AGBL4: variants seen among roughly 807,000 people sequenced by gnomAD.
The protein encoded by AGBL4 is cytosolic carboxypeptidase 6.
Under a neutral mutation model 66.4 loss-of-function variants are expected in AGBL4, and 58 were observed. The ratio of observed to expected loss-of-function variants is 0.87; its 90% CI spans 0.71 to 1.09. The LOEUF is 1.09. AGBL4 is among the 50% of genes least tolerant of loss of function. The pLI, the probability that AGBL4 is intolerant of heterozygous loss-of-function variation, is 0.00. For synonymous variants in AGBL4, 234 were observed against 222.9 expected, an observed-to-expected ratio of 1.05 and a Z score of -0.44; for missense variants, 579 against 631.0, an observed-to-expected ratio of 0.92 and a Z score of 0.88.
intron 6 of AGBL4, among the ~76,000 whole-genome samples, chr1:48,706,933 G>C (rs1646890187): frequency 6.6e-6 from 1 of 152,224 alleles, no homozygotes. Flanking sequence ...GGTCGTTCTT[G>C]AGTGAAGCAC....
At chr1:49,280,734 T>A (rs1201251502) in intron 3 of AGBL4, among the ~76,000 whole-genome samples, 1 of 152,240 alleles carries the variant, frequency 6.6e-6, no homozygotes, top group Non-Finnish European at 1.5e-5. Flanking sequence ...AATTTCTTTA[T>A]TTTTAAAAAA....
At chr1:49,404,755 G>A (rs1287082683) in intron 3 of AGBL4, among the ~76,000 whole-genome samples, 2 of 152,074 alleles carry the variant, frequency 1.3e-5, no homozygotes, top group South Asian at 2.1e-4. Flanking sequence ...TCAAGTTCTA[G>A]TAATTTTCTC....
intron 1 of AGBL4, among the ~76,000 whole-genome samples, chr1:50,004,006 A>G (rs1019899772): frequency 3.3e-5 from 5 of 152,198 alleles, no homozygotes; most frequent in African/African-American, 1.2e-4. Flanking sequence ...TTAATTTCCT[A>G]TCTGTCACTG....
At chr1:48,968,698 C>T (rs1658650946) in intron 5 of AGBL4, among the ~76,000 whole-genome samples, 1 of 152,118 alleles carries the variant, frequency 6.6e-6, no homozygotes, top group Non-Finnish European at 1.5e-5. Flanking sequence ...AGAGATGAAC[C>T]TGGGACCTAG....
chr1:48,731,837 C>G (rs1215223482), intron 6 of AGBL4, among the ~76,000 whole-genome samples: 1 of 152,110 alleles, frequency 6.6e-6, no homozygotes, highest in African/African-American at 2.4e-5. Context: ...TAGAAGCTTA[C>G]CCTTCAACAG....
intron 6 of AGBL4, among the ~76,000 whole-genome samples, chr1:48,806,023 G>T (rs1353638043): frequency 6.6e-6 from 1 of 152,086 alleles, no homozygotes; most frequent in Non-Finnish European, 1.5e-5. Context: ...TGGTTGGGAT[G>T]AGTATTCAGA....
At chr1:49,432,250 T>C (rs1301754494) in intron 3 of AGBL4, among the ~76,000 whole-genome samples, 1 of 152,226 alleles carries the variant, frequency 6.6e-6, no homozygotes, top group Non-Finnish European at 1.5e-5. Context: ...CTAATGTCTT[T>C]AGATGAATGC....
At chr1:49,940,237 C>T (rs1270967566) in intron 1 of AGBL4, among the ~76,000 whole-genome samples, 3 of 152,190 alleles carry the variant, frequency 2.0e-5, no homozygotes, top group Non-Finnish European at 4.4e-5. Context: ...AATAGGAACA[C>T]TTTTACACTG....
chr1:49,497,946 T>C (rs552005909), intron 3 of AGBL4, among the ~76,000 whole-genome samples: 50 of 152,192 alleles, frequency 3.3e-4, no homozygotes, highest in African/African-American at 1.2e-3. Context: ...CTACATTGAA[T>C]CTGCTTTTCA....
chr1:49,844,895 T>C, intron 2 of AGBL4: 1 of 1,403,356 alleles, frequency 7.1e-7, no homozygotes, highest in Non-Finnish European at 1.0e-6. Flanking sequence ...CCTTTGAAGA[T>C]GCCTGTTCAG....
At position 49,628,451 on chromosome 1, in the gene AGBL4, C is replaced by T. The variant is rs190732967; in HGVS notation, c.282+68862G>A. 3.5e-3 allele frequency among the ~76,000 whole-genome samples: 531 copies of T among 152,266 alleles called. 1 individual carries two copies. The highest frequency in any genetic ancestry group is 0.017 in the Middle Eastern group (5 of 294). ...TGAGGCCTGCCAGATCTTATGCTTT[C>T]TTCTTTGTAATAAAAAAGATGCAGC... On this transcript the variant is annotated intron_variant, in intron 3 of 13. Coordinates refer to ENST00000371839, the MANE Select transcript of AGBL4 (RefSeq NM_032785.4).
rs560029680 is a variant in AGBL4, at chr1:49,312,288, C to G, written c.283-66424G>C. 2.0e-5 allele frequency among the ~76,000 whole-genome samples: 3 copies of G among 152,144 alleles called. No homozygotes were observed. The South Asian group carries it at 6.2e-4, about 32-fold the overall frequency. ...TGCCATGTGAGGACACAACATTTGTCCCCTCTGGAGGATGCAGCAACAAGG... is the reference window on the plus strand; with the variant it reads ...TGCCATGTGAGGACACAACATTTGTGCCCTCTGGAGGATGCAGCAACAAGG... On this transcript the variant is annotated intron_variant, in intron 3 of 13. Coordinates refer to ENST00000371839, the MANE Select transcript of AGBL4 (RefSeq NM_032785.4).
At chr1:50,003,713 C>T (rs1660928759) in intron 1 of AGBL4, among the ~76,000 whole-genome samples, 1 of 152,140 alleles carries the variant, frequency 6.6e-6, no homozygotes, top group South Asian at 2.1e-4. Flanking sequence ...GGCCAAAGAT[C>T]TAGGGCTTAT....
chr1:49,941,598 G>A lies in AGBL4; in HGVS notation c.34+82165C>T, dbSNP rs1251902998. On this transcript the variant is annotated intron_variant, in intron 1 of 13. Coordinates refer to ENST00000371839, the MANE Select transcript of AGBL4 (RefSeq NM_032785.4). ...ACATAAGAAAATTAATAAATGTGAT[G>A]TACCCATTAATAGAATAAAAGATAA... is the stretch of plus-strand genomic sequence containing the variant. Among the ~76,000 whole-genome samples, 4 of 151,896 alleles carry A rather than the reference G, an allele frequency of 2.6e-5. No individual in the cohort carries two copies. The East Asian group carries it at 7.7e-4, about 29-fold the overall frequency.
intron 3 of AGBL4, among the ~76,000 whole-genome samples, chr1:49,468,850 A>T (rs1224086005): frequency 6.6e-6 from 1 of 151,862 alleles, no homozygotes; most frequent in Admixed American, 6.6e-5. Flanking sequence ...AAAAATGTTG[A>T]AATTTCCTCA....
chr1:48,725,801 AAC>A (rs1647236066), intron 6 of AGBL4, among the ~76,000 whole-genome samples: 1 of 152,180 alleles, frequency 6.6e-6, no homozygotes, highest in African/African-American at 2.4e-5. Flanking sequence ...CCATGTACAC[AAC>A]AGAGGCCAAA....
chr1:48,609,018 T>C (rs1557825792), intron 9 of AGBL4, among the ~76,000 whole-genome samples: 1 of 152,158 alleles, frequency 6.6e-6, no homozygotes, highest in Non-Finnish European at 1.5e-5. Flanking sequence ...TGAAGTGACT[T>C]GCCTAGGGTT....
intron 4 of AGBL4, among the ~76,000 whole-genome samples, chr1:49,058,703 T>C (rs1399758862): frequency 6.6e-6 from 1 of 152,186 alleles, no homozygotes. Context: ...TGGGAATGTT[T>C]GGAACTTCCT....
Position 49,317,414 on chromosome 1 carries a change from C to T in AGBL4, c.283-71550G>A, listed in dbSNP as rs1645059695. Among the ~76,000 whole-genome samples, 4 of 151,912 alleles carry T rather than the reference C, an allele frequency of 2.6e-5. No individual in the cohort carries two copies. The South Asian group carries it at 8.3e-4, about 32-fold the overall frequency. On this transcript the variant is annotated intron_variant, in intron 3 of 13. Coordinates refer to ENST00000371839, the MANE Select transcript of AGBL4 (RefSeq NM_032785.4). ...CATTTAAGCATTTAATACATGCCTG[C>T]TCCAGAATAAGTGATCAATAAACAT...
Sources: gnomAD v4.1 joint callset for allele counts (sites outside exome capture counted in the v4.1 genomes callset) on GRCh38, gnomAD v4.1.1 for gene constraint, MANE v1.5 for transcripts, NCBI Gene and HGNC (gene_info 2026-07-23, HGNC 2026-07-21) for gene names.